The following GNB1 variants were observed in gnomAD, a reference collection of about 807,000 sequenced individuals.
The protein encoded by GNB1 is guanine nucleotide-binding protein G(I)/G(S)/G(T) subunit beta-1.
A neutral mutation model predicts 42.9 loss-of-function variants in GNB1; 2 were observed. The ratio of observed to expected loss-of-function variants is 0.05; its 90% CI spans 0.02 to 0.15. GNB1 has a LOEUF of 0.15. GNB1 is among the 10% of genes least tolerant of loss of function. The probability of loss-of-function intolerance (pLI) is 1.00; values close to 1 mark genes in which losing one functional copy is unlikely to be tolerated. For missense variants in GNB1, 193 were observed against 462.2 expected (o/e 0.42, Z 5.34); for synonymous variants, 183 against 174.7 (o/e 1.05, Z -0.38).
At chr1:1,807,463 G>GAAAAAAAAA (rs533616486) in intron 5 of GNB1, among the ~76,000 whole-genome samples, 19 of 25,582 alleles carry the variant, frequency 7.4e-4, no homozygotes, top group Admixed American at 1.4e-3. Flanking sequence ...GATCCTGACT[G>GAAAAAAAAA]AAAAAAAAAA....
Position 1,789,138 on chromosome 1 carries a change from G to A in GNB1, c.831C>T (p.Ser277=), listed in dbSNP as rs1329742082. 9.3e-6 allele frequency: 15 copies of A among 1,614,042 alleles called. No individual in the cohort carries two copies. The highest frequency in any genetic ancestry group is 1.3e-5 in the Non-Finnish European group (15 of 1,179,998). ...DNIICGITSV[S]FSKSGRLLLA... is the part of the protein sequence containing the mutation. ...GGAGGAGGCGCCCGCTCTTGGAGAA[G>A]GAGACAGAGGTGATCCCGCAGATGA... Residue 277 remains serine, a synonymous_variant, in exon 10 of 12, where the codon TCC becomes TCT. Transcript: ENST00000378609.
intron 1 of GNB1, among the ~76,000 whole-genome samples, chr1:1,852,238 A>AT (rs997075532): frequency 1.3e-5 from 2 of 151,558 alleles, no homozygotes; most frequent in African/African-American, 4.8e-5. Flanking sequence ...TGCCTCTCAA[A>AT]TTTTTTTTGA....
intron 7 of GNB1, among the ~76,000 whole-genome samples, chr1:1,794,942 C>G (rs1012945428): frequency 2.0e-5 from 3 of 152,226 alleles, no homozygotes; most frequent in African/African-American, 7.2e-5. Context: ...CCCACCTCGG[C>G]TTCCCAAAGT....
chr1:1,798,461 C>T (rs375919691), intron 7 of GNB1, among the ~76,000 whole-genome samples: 5 of 152,208 alleles, frequency 3.3e-5, no homozygotes, highest in Non-Finnish European at 7.3e-5. Context: ...TTTTGGCCAC[C>T]ACAGTGGGCT....
intron 3 of GNB1, among the ~76,000 whole-genome samples, chr1:1,819,459 G>A (rs1182580712): frequency 1.3e-5 from 2 of 152,030 alleles, no homozygotes; most frequent in Non-Finnish European, 2.9e-5. Flanking sequence ...GACCTCAGGT[G>A]ATCCGCTCAT....
At chr1:1,853,745 C>A (rs1373671045) in intron 1 of GNB1, among the ~76,000 whole-genome samples, 1 of 152,066 alleles carries the variant, frequency 6.6e-6, no homozygotes, top group Non-Finnish European at 1.5e-5. Flanking sequence ...GCTCTATAAA[C>A]CTCAGCTAAT....
intron 3 of GNB1, among the ~76,000 whole-genome samples, chr1:1,821,678 G>A (rs897803266): frequency 1.1e-4 from 16 of 152,190 alleles, no homozygotes; most frequent in Non-Finnish European, 1.9e-4. Flanking sequence ...GCAGCTAGGC[G>A]CCTCTCCTAG....
intron 1 of GNB1, among the ~76,000 whole-genome samples, chr1:1,866,648 A>AAAAT (rs763468475): frequency 6.6e-6 from 1 of 151,396 alleles, no homozygotes; most frequent in Non-Finnish European, 1.5e-5. Flanking sequence ...AAAAAAAAAA[A>AAAAT]ATCGCTAAAA....
chr1:1,881,364 G>A (rs375481476), intron 1 of GNB1, among the ~76,000 whole-genome samples: 1 of 151,914 alleles, frequency 6.6e-6, no homozygotes, highest in African/African-American at 2.4e-5. Context: ...ATCCCCATCA[G>A]ATCAATCTCC....
intron 1 of GNB1, among the ~76,000 whole-genome samples, chr1:1,872,792 G>A (rs1162391119): frequency 1.3e-5 from 2 of 152,166 alleles, no homozygotes; most frequent in Non-Finnish European, 1.5e-5. Flanking sequence ...TCCCCACAGA[G>A]AATGAACCAC....
At chr1:1,800,380 C>T (rs942737182) in intron 7 of GNB1, among the ~76,000 whole-genome samples, 11 of 152,126 alleles carry the variant, frequency 7.2e-5, no homozygotes, top group African/African-American at 2.7e-4. Flanking sequence ...GAAGGAATAT[C>T]TGACATAAAG....
chr1:1,869,678 T>C (rs995133210), intron 1 of GNB1, among the ~76,000 whole-genome samples: 20 of 152,174 alleles, frequency 1.3e-4, no homozygotes, highest in Admixed American at 2.0e-4. Context: ...TTCTTCCAGA[T>C]GACCCAACTA....
intron 7 of GNB1, among the ~76,000 whole-genome samples, chr1:1,802,981 T>C (rs1646646209): frequency 6.6e-6 from 1 of 152,148 alleles, no homozygotes; most frequent in Non-Finnish European, 1.5e-5. Flanking sequence ...AGCAGCAGCA[T>C]TATCTTTCAA....
chr1:1,883,984 T>G (rs1570762215), intron 1 of GNB1, among the ~76,000 whole-genome samples: 3 of 151,360 alleles, frequency 2.0e-5, no homozygotes, highest in African/African-American at 2.4e-5. Flanking sequence ...TTTTTTTTTT[T>G]GACCGAGTTT....
At chr1:1,802,378 G>C (rs1016529062) in intron 7 of GNB1, among the ~76,000 whole-genome samples, 5 of 152,062 alleles carry the variant, frequency 3.3e-5, no homozygotes, top group Non-Finnish European at 7.4e-5. Flanking sequence ...CAATAACTAA[G>C]AAAACTTCAG....
At chr1:1,847,008 A>G (rs1647704177) in intron 1 of GNB1, among the ~76,000 whole-genome samples, 1 of 152,214 alleles carries the variant, frequency 6.6e-6, no homozygotes, top group Non-Finnish European at 1.5e-5. Flanking sequence ...AGATGCCATG[A>G]AGAAAATCAT....
intron 1 of GNB1, among the ~76,000 whole-genome samples, chr1:1,867,643 AAAT>A (rs753923232): frequency 2.6e-5 from 4 of 152,242 alleles, no homozygotes; most frequent in South Asian, 2.1e-4. Flanking sequence ...TTTATACTAA[AAAT>A]AATAACCCTT....
At chr1:1,881,342 T>C (rs753958418) in intron 1 of GNB1, among the ~76,000 whole-genome samples, 33 of 152,110 alleles carry the variant, frequency 2.2e-4, no homozygotes, top group Non-Finnish European at 4.3e-4. Flanking sequence ...TACGCTCAAC[T>C]ACCAAGTAAT....
intron 1 of GNB1, among the ~76,000 whole-genome samples, chr1:1,887,632 GT>G (rs1281855795): frequency 1.3e-5 from 2 of 152,258 alleles, no homozygotes; most frequent in East Asian, 3.9e-4. Context: ...ATTTACAGAG[GT>G]TTTTACTCTT....
Sources: allele counts gnomAD v4.1 joint callset (sites outside exome capture counted in the v4.1 genomes callset), GRCh38; gene constraint gnomAD v4.1.1; transcripts MANE v1.5; gene names NCBI Gene and HGNC (gene_info 2026-07-23, HGNC 2026-07-21).